The following CFAP43 variants were observed in gnomAD, a reference collection of about 807,000 sequenced individuals.
CFAP43 encodes cilia and flagella associated protein 43.
CFAP43 carries 155 observed loss-of-function variants against 218.9 expected under a neutral mutation model. The ratio of observed to expected loss-of-function variants is 0.71; its 90% CI spans 0.62 to 0.81. CFAP43 has a LOEUF of 0.81. Ranked by LOEUF, CFAP43 falls within the 30% of genes least tolerant of loss-of-function variation. The pLI, the probability that CFAP43 is intolerant of heterozygous loss-of-function variation, is 0.00. For synonymous variants in CFAP43, 645 were observed against 681.3 expected (o/e 0.95, Z 0.83); for missense variants, 1,778 against 1,954.3 (o/e 0.91, Z 1.70).
intron 20 of CFAP43, among the ~76,000 whole-genome samples, chr10:104,169,312 C>T (rs1003562465): frequency 3.9e-5 from 6 of 152,140 alleles, no homozygotes; most frequent in African/African-American, 1.4e-4. Flanking sequence ...GTTGAAATCT[C>T]GCCAACACAC....
At chr10:104,130,554 T>A (rs1185712254) in intron 37 of CFAP43, among the ~76,000 whole-genome samples, 1 of 152,106 alleles carries the variant, frequency 6.6e-6, no homozygotes, top group Non-Finnish European at 1.5e-5. Flanking sequence ...AAAAAAAGAA[T>A]GAAATAATGT....
In CFAP43 at chr10:104,152,626, G is replaced by A. The variant is rs1328810920; in HGVS notation, c.3641C>T (p.Ala1214Val). 1.2e-6 allele frequency: 2 copies of A among 1,613,620 alleles called. No individual in the cohort carries two copies. The highest frequency in any genetic ancestry group is 2.2e-5 in the East Asian group (1 of 44,884). The change falls in exon 28 of 38, where the codon GCA becomes GTA. Residue 1214 changes from alanine (A) to valine (V), a missense_variant. Physicochemically the swap from Ala to Val is moderately conservative, Grantham distance 64. Transcript: ENST00000357060. ...ATTTACCTGGTTGGTAACCATCTCT[G>A]CCTTCACTCTCCTTTCAAAAAGTCT... ...LKRLFERRVK[A>V]EMVTNQEELK...
intron 23 of CFAP43, among the ~76,000 whole-genome samples, chr10:104,165,948 G>C (rs748984395): frequency 3.6e-4 from 55 of 152,342 alleles, no homozygotes; most frequent in Non-Finnish European, 6.5e-4. Flanking sequence ...GTTGTGGAAT[G>C]TTCTTTAGAA....
chr10:104,171,863 T>C (rs2089426920), intron 20 of CFAP43, among the ~76,000 whole-genome samples: 1 of 152,206 alleles, frequency 6.6e-6, no homozygotes, highest in Admixed American at 6.5e-5. Context: ...CAAATATAAT[T>C]AATCCAGAGG....
chr10:104,179,800 C>T (rs773868833), intron 18 of CFAP43, 40 bp downstream of exon 18: 9 of 1,459,096 alleles, frequency 6.2e-6, no homozygotes, highest in Non-Finnish European at 7.7e-6. Context: ...GGTGCATCTA[C>T]AGAGCACTAT....
At chr10:104,185,286 C>A in intron 15 of CFAP43, 140 bp from the exon 16 acceptor site, 1 of 1,049,946 alleles carries the variant, frequency 9.5e-7, no homozygotes, top group Non-Finnish European at 1.4e-6. Context: ...TGGAAGTAGG[C>A]AATTGGCAAT....
intron 16 of CFAP43, among the ~76,000 whole-genome samples, chr10:104,184,553 T>C (rs948471199): frequency 2.6e-5 from 4 of 151,932 alleles, no homozygotes; most frequent in Non-Finnish European, 4.4e-5. Context: ...GTAAACAATT[T>C]GCTCTGGAAC....
chr10:104,142,097 G>C (rs1331759117), intron 33 of CFAP43, among the ~76,000 whole-genome samples, 184 bp downstream of exon 33: 1 of 152,232 alleles, frequency 6.6e-6, no homozygotes, highest in Non-Finnish European at 1.5e-5. Flanking sequence ...ACGTGGGAAA[G>C]TTCCATCCTG....
chr10:104,211,056 A>G (rs1220682494), intron 5 of CFAP43, among the ~76,000 whole-genome samples: 1 of 151,768 alleles, frequency 6.6e-6, no homozygotes. Context: ...CTCCCAAAGG[A>G]AACACTCTTT....
intron 7 of CFAP43, among the ~76,000 whole-genome samples, chr10:104,204,532 T>C (rs2134952083): frequency 6.6e-6 from 1 of 152,354 alleles, no homozygotes; most frequent in East Asian, 1.9e-4. Context: ...GGTGCTTTTT[T>C]TGAGCTCATC....
intron 31 of CFAP43, 76 bp from the exon 32 acceptor site, chr10:104,143,715 G>T: frequency 7.2e-7 from 1 of 1,389,890 alleles, no homozygotes; most frequent in Non-Finnish European, 1.0e-6. Flanking sequence ...TAGGCCCTTA[G>T]CACAGGCATA....
intron 35 of CFAP43, chr10:104,132,743 C>CTCAT (rs2087256551): frequency 1.0e-6 from 1 of 984,788 alleles, no homozygotes; most frequent in Admixed American, 6.2e-5. Context: ...ACTTTATTTT[C>CTCAT]TCATTCATTA....
intron 27 of CFAP43, among the ~76,000 whole-genome samples, chr10:104,159,834 A>G (rs766904324): frequency 6.6e-6 from 1 of 152,142 alleles, no homozygotes; most frequent in Non-Finnish European, 1.5e-5. Flanking sequence ...GGAGTGCAAA[A>G]TCTCAGCGTC....
At chr10:104,186,998 A>C (rs1350855935) in intron 14 of CFAP43, among the ~76,000 whole-genome samples, 1 of 152,194 alleles carries the variant, frequency 6.6e-6, no homozygotes, top group Non-Finnish European at 1.5e-5. Flanking sequence ...CAAATCATCT[A>C]CCTTGTAGCC....
At chr10:104,180,314 C>T (rs1026634985) in intron 17 of CFAP43, among the ~76,000 whole-genome samples, 5 of 152,144 alleles carry the variant, frequency 3.3e-5, no homozygotes, top group Admixed American at 3.3e-4. Context: ...ATGCCATCTC[C>T]TTCTGTATCA....
chr10:104,192,306 GA>G lies in CFAP43; in HGVS notation c.1443-5del, dbSNP rs767125754. 3.3e-5 allele frequency: 53 copies of G among 1,600,384 alleles called. No homozygotes were observed. The East Asian group carries it at 1.2e-3, about 36-fold the overall frequency. On this transcript the variant is annotated splice_polypyrimidine_tract_variant and splice_region_variant and intron_variant, in intron 11 of 37. Coordinates refer to ENST00000357060, the MANE Select transcript of CFAP43 (RefSeq NM_025145.7). ...AAATATTCCTTGCTGATCATAACTA[GA>G]AAAGAAGAAATCTGATGATCAAATC...
chr10:104,157,123 C>T (rs1474490891), intron 27 of CFAP43, among the ~76,000 whole-genome samples: 1 of 152,154 alleles, frequency 6.6e-6, no homozygotes, highest in African/African-American at 2.4e-5. Context: ...TTTGTTGTTG[C>T]TGCTGTTTGG....
chr10:104,172,607 C>T, intron 19 of CFAP43, 72 bp from the exon 20 acceptor site: 1 of 1,314,194 alleles, frequency 7.6e-7, no homozygotes. Flanking sequence ...TTCTTAGTTT[C>T]TTTTAGGCAG....
In CFAP43 at chr10:104,131,407, T is replaced by C; in HGVS notation, c.4755A>G (p.Ala1585=). 1 of 1,613,888 alleles carries C rather than the reference T, an allele frequency of 6.2e-7. No individual in the cohort carries two copies. The highest frequency in any genetic ancestry group is 8.5e-7 in the Non-Finnish European group (1 of 1,179,958). Reference sequence around the variant, plus strand: ...GTAGATTGCAGCTTAGGGCATAATTTGCTATATCTTTTTGATTGCTGAACT... The same window carrying C: ...GTAGATTGCAGCTTAGGGCATAATTCGCTATATCTTTTTGATTGCTGAACT... The part of the protein sequence containing the change: ...LGKFSNQKDI[A]NYALSCNLRE... Residue 1585 remains alanine, a synonymous_variant, in exon 37 of 38, where the codon GCA becomes GCG. Transcript: ENST00000357060.
Sources: gnomAD v4.1 joint callset for allele counts (sites outside exome capture counted in the v4.1 genomes callset) on GRCh38, gnomAD v4.1.1 for gene constraint, MANE v1.5 for transcripts, NCBI Gene and HGNC (gene_info 2026-07-23, HGNC 2026-07-21) for gene names.